DAG1: variants seen among roughly 807,000 people sequenced by gnomAD.
The protein encoded by DAG1 is dystroglycan 1 (dystrophin-associated glycoprotein 1).
In DAG1, 8 loss-of-function variants were observed where a neutral mutation model predicts 46.1. The ratio of observed to expected loss-of-function variants is 0.17; its 90% CI spans 0.10 to 0.31. The LOEUF (loss-of-function observed/expected upper bound fraction) is 0.31. Among genes scored for constraint, DAG1 ranks in the 10% least tolerant of loss-of-function variants. The probability of loss-of-function intolerance (pLI) is 1.00; values close to 1 mark genes in which losing one functional copy is unlikely to be tolerated. For missense variants in DAG1, 1,003 were observed against 1,189.9 expected (o/e 0.84, Z 2.31); for synonymous variants, 495 against 481.8 (o/e 1.03, Z -0.36).
At chr3:49,491,995 C>T (rs1043202487) in intron 1 of DAG1, among the ~76,000 whole-genome samples, 4 of 144,186 alleles carry the variant, frequency 2.8e-5, no homozygotes, top group African/African-American at 7.7e-5. Flanking sequence ...GGTGAGATCT[C>T]GGCTCCCTGC....
chr3:49,526,334 A>G (rs1268424460), intron 2 of DAG1, among the ~76,000 whole-genome samples: 1 of 152,242 alleles, frequency 6.6e-6, no homozygotes, highest in Non-Finnish European at 1.5e-5. Context: ...TGTGAACCAT[A>G]TAAGCTCTGT....
Position 49,510,717 on chromosome 3 carries a change from T to C in DAG1, c.183T>C (p.Val61=), listed in dbSNP as rs775928044. 9.7e-5 allele frequency: 156 copies of C among 1,614,024 alleles called. No homozygotes were observed. Among genetic ancestry groups the C allele is most frequent in the Non-Finnish European group, 8.9e-5 (105 of 1,180,038 alleles). Residue 61 remains valine (V), a synonymous_variant, in exon 2 of 3, where the codon GTT becomes GTC. Transcript: ENST00000308775. ...HSVLSDLHEA[V]PTVVGIPDGT... ...TGCTCTCAGACCTCCACGAGGCTGT[T>C]CCCACAGTGGTTGGCATTCCTGATG...
At chr3:49,491,440 A>G (rs2050181464) in intron 1 of DAG1, among the ~76,000 whole-genome samples, 1 of 151,164 alleles carries the variant, frequency 6.6e-6, no homozygotes, top group Non-Finnish European at 1.5e-5. Flanking sequence ...CCTCCCAAGT[A>G]GCAGGGATCA....
In DAG1 at chr3:49,531,821, C is replaced by G; in HGVS notation, c.1310C>G (p.Pro437Arg). 1 of 1,614,006 alleles carries G rather than the reference C, an allele frequency of 6.2e-7. No homozygotes were observed. The highest frequency in any genetic ancestry group is 8.5e-7 in the Non-Finnish European group (1 of 1,180,008). The stretch of plus-strand genomic sequence containing the variant: ...GTATCCACACCAAAACCAGCAACGC[C>G]TTCAACTGACTCCACCACCACCACG... ...PRVSTPKPATPSTDSTTTTTR... is the reference protein window; with the variant it reads ...PRVSTPKPATRSTDSTTTTTR... Residue 437 changes from proline (P) to arginine (R), a missense_variant, in exon 3 of 3, where the codon CCT (proline) becomes CGT (arginine). Pro to Arg is a moderately radical substitution (Grantham distance 103). Coordinates refer to ENST00000308775, the MANE Select transcript of DAG1 (RefSeq NM_004393.6). This position sits in a 1 kb window ranked among gnomAD's most constrained non-coding sequence, Gnocchi z 7.0.
At chr3:49,520,161 CT>C (rs1249779003) in intron 2 of DAG1, among the ~76,000 whole-genome samples, 1 of 152,234 alleles carries the variant, frequency 6.6e-6, no homozygotes, top group African/African-American at 2.4e-5. Flanking sequence ...TGACCTTAAG[CT>C]AGAGGCTCTT....
At chr3:49,513,051 A>C (rs2050805213) in intron 2 of DAG1, among the ~76,000 whole-genome samples, 1 of 152,196 alleles carries the variant, frequency 6.6e-6, no homozygotes, top group Non-Finnish European at 1.5e-5. Context: ...CCACCAAAAC[A>C]GTGGTTTAAC....
intron 1 of DAG1, among the ~76,000 whole-genome samples, chr3:49,482,896 A>G (rs1402461608): frequency 6.6e-6 from 1 of 152,130 alleles, no homozygotes; most frequent in Non-Finnish European, 1.5e-5. Flanking sequence ...GATTTACTTA[A>G]GATTCCCAAG....
chr3:49,483,708 C>T (rs1166161818), intron 1 of DAG1, among the ~76,000 whole-genome samples: 1 of 152,062 alleles, frequency 6.6e-6, no homozygotes, highest in Non-Finnish European at 1.5e-5. Flanking sequence ...CAGGGTCTTG[C>T]CCTGTTGCCT....
At chr3:49,509,529 G>C (rs549765144) in intron 1 of DAG1, among the ~76,000 whole-genome samples, 2 of 152,200 alleles carry the variant, frequency 1.3e-5, no homozygotes, top group Non-Finnish European at 2.9e-5. Flanking sequence ...CAGGCCAGTT[G>C]TTTGGCAGAA....
chr3:49,470,659 C>T (rs1217816566), intron 1 of DAG1: 1 of 152,198 alleles, frequency 6.6e-6, no homozygotes, highest in Non-Finnish European at 1.5e-5. Flanking sequence ...CTGCAAGGCC[C>T]GGGCCGCGCG....
chr3:49,485,657 CTTTTTTTT>C (rs749730213), intron 1 of DAG1, among the ~76,000 whole-genome samples: 12 of 82,086 alleles, frequency 1.5e-4, no homozygotes, highest in Admixed American at 3.0e-4. Flanking sequence ...TGTTTTCTTT[CTTTTTTTT>C]TTTTTTTTTT....
intron 2 of DAG1, among the ~76,000 whole-genome samples, chr3:49,525,783 C>A (rs796680646): frequency 1.3e-5 from 2 of 151,742 alleles, no homozygotes; most frequent in South Asian, 4.2e-4. Flanking sequence ...TGGTCTTGAT[C>A]TCCTGACCTC....
chr3:49,525,748 C>T (rs2051153608), intron 2 of DAG1, among the ~76,000 whole-genome samples: 1 of 151,278 alleles, frequency 6.6e-6, no homozygotes, highest in Admixed American at 6.6e-5. Flanking sequence ...TTAGTAGAGA[C>T]GGGGTTTCAC....
intron 2 of DAG1, among the ~76,000 whole-genome samples, chr3:49,525,612 C>T (rs1314614995): frequency 6.6e-6 from 1 of 150,492 alleles, no homozygotes; most frequent in Non-Finnish European, 1.5e-5. Context: ...GGCTGGAGTG[C>T]CGTGGCGTGA....
At chr3:49,490,149 C>T (rs1171377256) in intron 1 of DAG1, among the ~76,000 whole-genome samples, 1 of 151,960 alleles carries the variant, frequency 6.6e-6, no homozygotes, top group African/African-American at 2.4e-5. Flanking sequence ...GTCAGGAGAT[C>T]GAGACTATCC....
In DAG1 at chr3:49,517,441, A is replaced by C. The variant is rs534368795; in HGVS notation, c.285+6622A>C. Among the ~76,000 whole-genome samples the C allele has an allele frequency of 2.0e-5, 3 of 152,276 alleles. 1 individual carries two copies. The Middle Eastern group carries it at 0.01, about 518-fold the overall frequency. The stretch of plus-strand genomic sequence containing the variant: ...AAGACTTCCCTCGTAGTTGTCTGTT[A>C]CCGTGCCTCTGACCTCTGACACTGC... On this transcript the variant is annotated intron_variant, in intron 2 of 2. Transcript: ENST00000308775.
intron 2 of DAG1, among the ~76,000 whole-genome samples, chr3:49,519,034 G>T (rs2050965475): frequency 6.6e-6 from 1 of 152,156 alleles, no homozygotes; most frequent in Non-Finnish European, 1.5e-5. Flanking sequence ...CTGTGGGGAT[G>T]GGTCCCACAG....
intron 1 of DAG1, among the ~76,000 whole-genome samples, chr3:49,475,346 C>T (rs1188066660): frequency 2.6e-5 from 4 of 151,058 alleles, no homozygotes; most frequent in East Asian, 3.9e-4. Flanking sequence ...TCAAGTGATC[C>T]GCCTGCTTCG....
chr3:49,530,052 T>G (rs2051296769), intron 2 of DAG1, among the ~76,000 whole-genome samples: 1 of 152,166 alleles, frequency 6.6e-6, no homozygotes, highest in African/African-American at 2.4e-5. Flanking sequence ...CCTCTCTCTT[T>G]TAGAGAGACC....
Sources: allele counts gnomAD v4.1 joint callset (sites outside exome capture counted in the v4.1 genomes callset), GRCh38; gene constraint gnomAD v4.1.1; non-coding constraint Gnocchi (gnomAD v3.1); transcripts MANE v1.5; gene names NCBI Gene and HGNC (gene_info 2026-07-23, HGNC 2026-07-21).